Variants in CSMD3 observed in about 807,000 individuals in gnomAD.
CSMD3 encodes the protein CUB and sushi domain-containing protein 3.
Under a neutral mutation model 435.2 loss-of-function variants are expected in CSMD3, and 177 were observed. The observed-to-expected ratio is 0.41, with a 90% CI of 0.36 to 0.46. CSMD3 has a LOEUF of 0.46. Ranked by LOEUF, CSMD3 falls within the 20% of genes least tolerant of loss-of-function variation. The pLI, the probability that CSMD3 is intolerant of heterozygous loss-of-function variation, is 0.34. For synonymous variants in CSMD3, 1,656 were observed against 1,520.5 expected, an observed-to-expected ratio of 1.09 and a Z score of -2.07; for missense variants, 4,265 against 4,504.6, an observed-to-expected ratio of 0.95 and a Z score of 1.52.
Position 112,828,036 on chromosome 8 carries a change from A to G in CSMD3, c.1859+1650T>C, listed in dbSNP as rs547708358. Among the ~76,000 whole-genome samples the G allele has an allele frequency of 2.0e-3, 312 of 152,308 alleles. 3 individuals are homozygous for G. Among genetic ancestry groups the G allele is most frequent in the Non-Finnish European group, 1.4e-3 (98 of 68,022 alleles). ...CATCAGAGCAGCTCTGTTGCTGCCA[A>G]TTTATATATATACAATTTTACAGTA... On this transcript the variant is annotated intron_variant, in intron 12 of 70. Coordinates refer to ENST00000297405, the MANE Select transcript of CSMD3 (RefSeq NM_198123.2).
chr8:113,297,366 G>A (rs985758438), intron 2 of CSMD3, among the ~76,000 whole-genome samples: 4 of 151,966 alleles, frequency 2.6e-5, no homozygotes, highest in African/African-American at 9.7e-5. Context: ...CTTGGAATTT[G>A]ATGGAAACTT....
chr8:112,821,803 A>G (rs1015546720), intron 12 of CSMD3, among the ~76,000 whole-genome samples: 1 of 152,132 alleles, frequency 6.6e-6, no homozygotes, highest in African/African-American at 2.4e-5. Flanking sequence ...TAAGTCTTTA[A>G]TCCATCTTGA....
intron 7 of CSMD3, among the ~76,000 whole-genome samples, chr8:112,969,274 A>G (rs2084548565): frequency 6.6e-6 from 1 of 152,026 alleles, no homozygotes; most frequent in African/African-American, 2.4e-5. Context: ...TATGGTAACA[A>G]TAAAAAATTC....
chr8:112,978,292 C>A (rs2084927630), intron 6 of CSMD3, among the ~76,000 whole-genome samples: 1 of 151,908 alleles, frequency 6.6e-6, no homozygotes, highest in Admixed American at 6.6e-5. Flanking sequence ...ATTAAATTAT[C>A]ATATTCCATC....
intron 13 of CSMD3, among the ~76,000 whole-genome samples, chr8:112,755,777 AAATT>A (rs2077684236): frequency 6.7e-6 from 1 of 149,688 alleles, no homozygotes; most frequent in Non-Finnish European, 1.5e-5. Context: ...GAACACAAAT[AAATT>A]AATATATACT....
chr8:112,428,573 G>C (rs559868742), intron 32 of CSMD3, among the ~76,000 whole-genome samples: 2 of 152,226 alleles, frequency 1.3e-5, no homozygotes, highest in South Asian at 2.1e-4. Context: ...TACAGCTCCT[G>C]CCTTCAAAAA....
chr8:112,920,859 T>A (rs1158643800), intron 10 of CSMD3, among the ~76,000 whole-genome samples: 1 of 151,572 alleles, frequency 6.6e-6, no homozygotes, highest in Non-Finnish European at 1.5e-5. Flanking sequence ...TTCTTCTATA[T>A]TTAAAATTGT....
intron 1 of CSMD3, among the ~76,000 whole-genome samples, chr8:113,339,627 C>T (rs1353913276): frequency 6.6e-6 from 1 of 151,824 alleles, no homozygotes; most frequent in East Asian, 1.9e-4. Flanking sequence ...GAATGTATGC[C>T]AATTGGGTCC....
intron 35 of CSMD3, among the ~76,000 whole-genome samples, 187 bp from the exon 36 acceptor site, chr8:112,390,975 A>T (rs1441053959): frequency 6.6e-6 from 1 of 152,322 alleles, no homozygotes; most frequent in East Asian, 1.9e-4. Context: ...AAATAATTAG[A>T]CAGCATTAAT....
rs1439832358 is a variant in CSMD3 at position 112,503,809 on chromosome 8, T to A, written c.5064A>T (p.Gly1688=). Residue 1688 remains glycine, a synonymous_variant, in exon 30 of 71, where the codon GGA becomes GGT. Transcript: ENST00000297405. ...FRSDGSVSYT[G]FHLEYKAKLR... ...ATTTACCTTTGTATTCTAGATGAAA[T>A]CCAGTGTAACTAACAGATCCATCAC... is the stretch of plus-strand genomic sequence containing the variant. The A allele has an allele frequency of 5.0e-6, 8 of 1,610,774 alleles. No individual in the cohort carries two copies. The highest frequency in any genetic ancestry group is 5.9e-6 in the Non-Finnish European group (7 of 1,177,526).
chr8:113,012,757 G>T (rs2086303080), intron 6 of CSMD3, among the ~76,000 whole-genome samples: 7 of 151,954 alleles, frequency 4.6e-5, no homozygotes, highest in Admixed American at 4.6e-4. Context: ...GTCCTTCATA[G>T]CAGTGTGGGA....
chr8:113,375,536 C>CATACAT, intron 1 of CSMD3, among the ~76,000 whole-genome samples: 1 of 150,542 alleles, frequency 6.6e-6, no homozygotes, highest in African/African-American at 2.4e-5. Flanking sequence ...CACACACACA[C>CATACAT]ACACACACAC....
At chr8:112,425,288 A>C (rs1171841817) in intron 32 of CSMD3, among the ~76,000 whole-genome samples, 1 of 152,190 alleles carries the variant, frequency 6.6e-6, no homozygotes, top group Non-Finnish European at 1.5e-5. Flanking sequence ...TTCTAATTTT[A>C]AATGGTAAAT....
chr8:112,636,081 C>T (rs2074648774), intron 22 of CSMD3, among the ~76,000 whole-genome samples: 1 of 152,028 alleles, frequency 6.6e-6, no homozygotes, highest in Admixed American at 6.6e-5. Context: ...AGTTTTTGGC[C>T]TTAATATTTT....
At chr8:112,825,333 G>T (rs1433801094) in intron 12 of CSMD3, among the ~76,000 whole-genome samples, 2 of 152,146 alleles carry the variant, frequency 1.3e-5, no homozygotes, top group African/African-American at 4.8e-5. Context: ...CCTCTGTCCA[G>T]TTCTGTGCCC....
At chr8:112,594,934 T>G (rs997080364) in intron 22 of CSMD3, among the ~76,000 whole-genome samples, 4 of 151,614 alleles carry the variant, frequency 2.6e-5, no homozygotes, top group African/African-American at 9.7e-5. Context: ...ACAGAAAAAC[T>G]GGAAACTCTA....
chr8:113,184,665 A>G (rs1253153628), intron 3 of CSMD3, among the ~76,000 whole-genome samples: 19 of 152,122 alleles, frequency 1.2e-4, no homozygotes, highest in Admixed American at 1.2e-3. Context: ...TCATTAATAA[A>G]TAGCTTAGTC....
chr8:112,591,538 A>C, intron 22 of CSMD3, among the ~76,000 whole-genome samples: 1 of 152,122 alleles, frequency 6.6e-6, no homozygotes, highest in Admixed American at 6.5e-5. Flanking sequence ...AGTAAACTTC[A>C]TAGTTACTTT....
chr8:112,643,921 G>A (rs2074905962), intron 20 of CSMD3, among the ~76,000 whole-genome samples: 1 of 151,918 alleles, frequency 6.6e-6, no homozygotes, highest in Admixed American at 6.6e-5. Context: ...AAATTTAAAT[G>A]TATTAAACAC....
Sources: gnomAD v4.1 joint callset for allele counts (sites outside exome capture counted in the v4.1 genomes callset) on GRCh38, gnomAD v4.1.1 for gene constraint, MANE v1.5 for transcripts, NCBI Gene and HGNC (gene_info 2026-07-23, HGNC 2026-07-21) for gene names.